ADGRL3: variants seen among roughly 807,000 people sequenced by gnomAD.
ADGRL3 encodes adhesion G protein-coupled receptor L3.
Under a neutral mutation model 153.5 loss-of-function variants are expected in ADGRL3, and 62 were observed. The observed-to-expected ratio is 0.40, with a 90% CI of 0.33 to 0.50. The LOEUF is 0.50. ADGRL3 is among the 20% of genes least tolerant of loss of function. The pLI, the probability that ADGRL3 is intolerant of heterozygous loss-of-function variation, is 0.47. For synonymous variants in ADGRL3, 710 were observed against 672.5 expected, an observed-to-expected ratio of 1.06 and a Z score of -0.86; for missense variants, 1,641 against 1,859.4, an observed-to-expected ratio of 0.88 and a Z score of 2.16.
intron 6 of ADGRL3, among the ~76,000 whole-genome samples, chr4:61,706,281 G>A (rs2095856164): frequency 6.6e-6 from 1 of 152,030 alleles, no homozygotes; most frequent in Admixed American, 6.6e-5. Context: ...AACTAGCTGG[G>A]CGTGGTGGCA....
chr4:61,685,072 C>G (rs971781825), intron 6 of ADGRL3, among the ~76,000 whole-genome samples: 1 of 152,030 alleles, frequency 6.6e-6, no homozygotes, highest in Non-Finnish European at 1.5e-5. Flanking sequence ...TGCACCATCA[C>G]ACCTGGCTAA....
At chr4:61,948,932 C>T (rs536563133) in intron 17 of ADGRL3, among the ~76,000 whole-genome samples, 2 of 150,740 alleles carry the variant, frequency 1.3e-5, no homozygotes, top group East Asian at 3.9e-4. Flanking sequence ...GGCAGGGTTT[C>T]AGGAGATCAA....
At chr4:61,998,438 G>C (rs2099129137) in intron 21 of ADGRL3, among the ~76,000 whole-genome samples, 173 bp downstream of exon 21, 1 of 152,052 alleles carries the variant, frequency 6.6e-6, no homozygotes, top group Non-Finnish European at 1.5e-5. Context: ...CTGAAAATAA[G>C]TATAATAGAG....
intron 4 of ADGRL3, among the ~76,000 whole-genome samples, chr4:61,525,059 C>T (rs2098551706): frequency 6.6e-6 from 1 of 151,916 alleles, no homozygotes; most frequent in Admixed American, 6.6e-5. Flanking sequence ...CAATCTGTTG[C>T]TAGCAAGAGA....
intron 21 of ADGRL3, among the ~76,000 whole-genome samples, chr4:62,015,453 C>A (rs2099207080): frequency 6.6e-6 from 1 of 152,070 alleles, no homozygotes; most frequent in South Asian, 2.1e-4. Flanking sequence ...TAAAAAGGAA[C>A]AATTTATTAG....
chr4:61,425,824 CT>C (rs2097272151), intron 2 of ADGRL3, among the ~76,000 whole-genome samples: 1 of 152,228 alleles, frequency 6.6e-6, no homozygotes, highest in Non-Finnish European at 1.5e-5. Flanking sequence ...GCCCTCCCCC[CT>C]GGGGCTATGG....
At chr4:61,392,875 G>A (rs572797687) in intron 2 of ADGRL3, among the ~76,000 whole-genome samples, 5 of 150,634 alleles carry the variant, frequency 3.3e-5, no homozygotes, top group Admixed American at 2.0e-4. Context: ...TTGGATATTG[G>A]GAATATGAAC....
intron 2 of ADGRL3, among the ~76,000 whole-genome samples, chr4:61,432,023 C>T (rs949963705): frequency 1.3e-5 from 2 of 152,086 alleles, no homozygotes; most frequent in African/African-American, 4.8e-5. Context: ...CAAAATGGAC[C>T]TACAGAGCTT....
chr4:61,385,044 A>C (rs2151939318), intron 2 of ADGRL3, among the ~76,000 whole-genome samples: 1 of 152,262 alleles, frequency 6.6e-6, no homozygotes, highest in Admixed American at 6.5e-5. Flanking sequence ...ATACTTTGAA[A>C]TGGTAAATTT....
At chr4:61,241,075 T>C (rs534636814) in intron 1 of ADGRL3, among the ~76,000 whole-genome samples, 6 of 152,160 alleles carry the variant, frequency 3.9e-5, no homozygotes, top group African/African-American at 1.4e-4. Flanking sequence ...TATATATATG[T>C]ATCTTTTACA....
Position 61,902,017 on chromosome 4 carries a change from A to G in ADGRL3, c.1887+6183A>G, listed in dbSNP as rs190730607. Among the ~76,000 whole-genome samples the G allele has an allele frequency of 6.1e-4, 93 of 152,314 alleles. 2 individuals carry two copies. The South Asian group carries it at 0.016, about 25-fold the overall frequency. ...TTTCAGCCCTGCCTATGTGCACAGA[A>G]AACTTGAGGCACATTCAACATATAT... On this transcript the variant is annotated intron_variant, in intron 11 of 26. Transcript: ENST00000683033.
At chr4:61,712,866 C>T (rs1339624557) in intron 6 of ADGRL3, among the ~76,000 whole-genome samples, 1 of 152,108 alleles carries the variant, frequency 6.6e-6, no homozygotes, top group Non-Finnish European at 1.5e-5. Flanking sequence ...TTATGTTCTG[C>T]ATTTCTGCAT....
chr4:62,051,746 A>C (rs1233346266), intron 25 of ADGRL3, among the ~76,000 whole-genome samples: 1 of 151,704 alleles, frequency 6.6e-6, no homozygotes, highest in Non-Finnish European at 1.5e-5. Context: ...TTATTACCTC[A>C]CATATTATGA....
At chr4:61,989,145 AT>A (rs2150954695) in intron 19 of ADGRL3, among the ~76,000 whole-genome samples, 3 of 152,218 alleles carry the variant, frequency 2.0e-5, no homozygotes, top group Admixed American at 2.0e-4. Context: ...AAAATATCAG[AT>A]TAGTGTATTA....
At chr4:61,498,161 C>T (rs931037071) in intron 3 of ADGRL3, among the ~76,000 whole-genome samples, 2 of 152,096 alleles carry the variant, frequency 1.3e-5, no homozygotes, top group Non-Finnish European at 2.9e-5. Context: ...CTACTCTGCA[C>T]AATCTTTAAT....
intron 9 of ADGRL3, among the ~76,000 whole-genome samples, chr4:61,881,440 G>A (rs1037415924): frequency 6.6e-6 from 1 of 152,126 alleles, no homozygotes. Flanking sequence ...GTGCAGTGGT[G>A]CAATCTTGGC....
chr4:61,396,160 A>G (rs2096865926), intron 2 of ADGRL3, among the ~76,000 whole-genome samples: 1 of 152,018 alleles, frequency 6.6e-6, no homozygotes, highest in Non-Finnish European at 1.5e-5. Flanking sequence ...GATTTCCCGT[A>G]CATACATGTC....
At chr4:61,867,335 C>CA (rs1330423271) in intron 9 of ADGRL3, among the ~76,000 whole-genome samples, 4 of 150,460 alleles carry the variant, frequency 2.7e-5, no homozygotes, top group Admixed American at 6.6e-5. Flanking sequence ...CCTGTCTCTA[C>CA]AAAAAATGCA....
At chr4:61,213,855 A>G (rs1230691197) in intron 1 of ADGRL3, among the ~76,000 whole-genome samples, 1 of 152,040 alleles carries the variant, frequency 6.6e-6, no homozygotes, top group African/African-American at 2.4e-5. Flanking sequence ...CTGTTCTCTA[A>G]TTTTTTTCTC....
Sources: gnomAD v4.1 joint callset for allele counts (sites outside exome capture counted in the v4.1 genomes callset) on GRCh38, gnomAD v4.1.1 for gene constraint, MANE v1.5 for transcripts, NCBI Gene and HGNC (gene_info 2026-07-23, HGNC 2026-07-21) for gene names.